Variants in NRG1 observed in about 807,000 individuals in gnomAD.
NRG1 encodes pro-neuregulin-1, membrane-bound isoform.
Under a neutral mutation model 63.8 loss-of-function variants are expected in NRG1, and 18 were observed. The observed-to-expected ratio is 0.28, with a 90% confidence interval of 0.19 to 0.42. NRG1 has a LOEUF of 0.42. Among genes scored for constraint, NRG1 ranks in the 10% least tolerant of loss-of-function variants. NRG1 has a pLI of 1.00. For synonymous variants in NRG1, 302 were observed against 301.3 expected, an observed-to-expected ratio of 1.00 and a Z score of -0.02; for missense variants, 762 against 814.7, an observed-to-expected ratio of 0.94 and a Z score of 0.79.
At chr8:32,385,943 C>T (rs1193808874) in intron 1 of NRG1, among the ~76,000 whole-genome samples, 1 of 152,150 alleles carries the variant, frequency 6.6e-6, no homozygotes, top group African/African-American at 2.4e-5. Context: ...AATAATAAAA[C>T]GTCATTCATT....
intron 1 of NRG1, among the ~76,000 whole-genome samples, chr8:32,235,566 G>A (rs1348192853): frequency 1.3e-5 from 2 of 152,060 alleles, no homozygotes; most frequent in Non-Finnish European, 2.9e-5. Flanking sequence ...GGTAAGTCTA[G>A]GATGAGACCA....
At chr8:31,853,928 G>C (rs374939816) in intron 1 of NRG1, among the ~76,000 whole-genome samples, 1 of 151,234 alleles carries the variant, frequency 6.6e-6, no homozygotes, top group Non-Finnish European at 1.5e-5. Context: ...TGATTTGCGT[G>C]TATTGAACCA....
At chr8:31,967,193 T>C (rs575027861) in intron 1 of NRG1, among the ~76,000 whole-genome samples, 50 of 152,244 alleles carry the variant, frequency 3.3e-4, no homozygotes, top group Non-Finnish European at 5.6e-4. Flanking sequence ...ATGTAACTAG[T>C]GGGCAAATAG....
chr8:31,649,743 C>A (rs990536681), intron 1 of NRG1, among the ~76,000 whole-genome samples: 1 of 152,130 alleles, frequency 6.6e-6, no homozygotes, highest in Non-Finnish European at 1.5e-5. Flanking sequence ...AATGGACTTA[C>A]AGAAAACAGT....
At chr8:32,316,692 T>C (rs1251328799) in intron 1 of NRG1, among the ~76,000 whole-genome samples, 1 of 152,124 alleles carries the variant, frequency 6.6e-6, no homozygotes, top group African/African-American at 2.4e-5. Flanking sequence ...ACCTTTTCTT[T>C]ACCTCACCTT....
At chr8:32,254,332 G>A (rs373193367) in intron 1 of NRG1, among the ~76,000 whole-genome samples, 26 of 152,034 alleles carry the variant, frequency 1.7e-4, no homozygotes, top group Non-Finnish European at 2.6e-4. Flanking sequence ...ATAAATTTCC[G>A]TCTACACACT....
At chr8:32,282,374 C>A (rs886109619) in intron 1 of NRG1, among the ~76,000 whole-genome samples, 1 of 152,218 alleles carries the variant, frequency 6.6e-6, no homozygotes, top group African/African-American at 2.4e-5. Context: ...AGTTGAATGG[C>A]TGACAGCCAA....
rs10706604 is a variant in NRG1, at chr8:32,388,655, G to GT, written c.38-207162dup. ...CCATTTGGTTACTGATTACAAGACG[G>GT]TTTTTTTTTTTCGTCTCAAAAAATG... On this transcript the variant is annotated intron_variant, in intron 1 of 10. Coordinates refer to the NRG1 transcript ENST00000519301. 3.4e-5 allele frequency among the ~76,000 whole-genome samples: 5 copies of GT among 149,080 alleles called. No individual in the cohort carries two copies. In the East Asian group the frequency reaches 5.9e-4, roughly 18 times the overall value.
intron 1 of NRG1, among the ~76,000 whole-genome samples, chr8:31,977,550 T>C (rs985856318): frequency 4.6e-5 from 7 of 152,150 alleles, no homozygotes; most frequent in Non-Finnish European, 8.8e-5. Flanking sequence ...ATCCTATGCA[T>C]CAATGTCACT....
intron 1 of NRG1, among the ~76,000 whole-genome samples, chr8:32,149,322 A>G (rs1837241176): frequency 6.6e-6 from 1 of 152,168 alleles, no homozygotes; most frequent in Non-Finnish European, 1.5e-5. Context: ...TTCCCATCTT[A>G]GTTGGCCTCT....
chr8:32,482,994 C>T (rs1288920679), intron 1 of NRG1, among the ~76,000 whole-genome samples: 1 of 152,230 alleles, frequency 6.6e-6, no homozygotes, highest in Admixed American at 6.5e-5. Context: ...GGGCGTTAGA[C>T]AGCATGAGGC....
chr8:32,315,275 C>A (rs748832589), intron 1 of NRG1, among the ~76,000 whole-genome samples: 1 of 152,120 alleles, frequency 6.6e-6, no homozygotes, highest in Non-Finnish European at 1.5e-5. Flanking sequence ...GTGTTGTTCC[C>A]CTCCCTGTGT....
intron 1 of NRG1, among the ~76,000 whole-genome samples, chr8:31,662,420 G>A (rs1806084715): frequency 6.6e-6 from 1 of 152,206 alleles, no homozygotes; most frequent in Non-Finnish European, 1.5e-5. Flanking sequence ...CTTAGCCTAT[G>A]TAGTTCCCAG....
chr8:31,760,453 G>A (rs562934225), intron 1 of NRG1, among the ~76,000 whole-genome samples: 23 of 152,238 alleles, frequency 1.5e-4, no homozygotes, highest in Middle Eastern at 6.8e-3. Flanking sequence ...TGACAAATGG[G>A]ATCTAATTAA....
chr8:32,456,640 C>A (rs747208687), intron 1 of NRG1, among the ~76,000 whole-genome samples: 19 of 152,288 alleles, frequency 1.2e-4, no homozygotes, highest in Non-Finnish European at 2.5e-4. Flanking sequence ...ACGGTATAGA[C>A]TACATATAAC....
chr8:32,491,945 G>T (rs530017427), intron 1 of NRG1, among the ~76,000 whole-genome samples: 1 of 152,176 alleles, frequency 6.6e-6, no homozygotes, highest in African/African-American at 2.4e-5. Flanking sequence ...TGGAAAACTA[G>T]ACTAAATTCT....
chr8:31,871,786 A>G (rs147206106), intron 1 of NRG1, among the ~76,000 whole-genome samples: 2 of 152,318 alleles, frequency 1.3e-5, no homozygotes, highest in African/African-American at 4.8e-5. Flanking sequence ...AAATTGGTTT[A>G]CCACATATTC....
intron 1 of NRG1, among the ~76,000 whole-genome samples, chr8:31,689,623 T>C (rs1265986164): frequency 2.0e-5 from 3 of 152,206 alleles, no homozygotes; most frequent in African/African-American, 7.2e-5. Flanking sequence ...TATTTATCTC[T>C]TTCCTAATTT....
At position 32,648,227 on chromosome 8, in the gene NRG1, G is replaced by A. The variant is rs755795145; in HGVS notation, c.502+31342G>A. ...CTGTTGTCTCCTTTGAACCATCAGCGGCACCGACACCGAAGAATCGTATTT... is the reference window on the plus strand; with the variant it reads ...CTGTTGTCTCCTTTGAACCATCAGCAGCACCGACACCGAAGAATCGTATTT... On this transcript the variant is annotated intron_variant, in intron 5 of 11. Transcript: ENST00000356819. 1.1e-5 allele frequency: 17 copies of A among 1,613,868 alleles called. No individual in the cohort carries two copies. The highest frequency in any genetic ancestry group is 1.6e-4 in the Middle Eastern group (1 of 6,084).
Sources: gnomAD v4.1 joint callset for allele counts (sites outside exome capture counted in the v4.1 genomes callset) on GRCh38, gnomAD v4.1.1 for gene constraint, MANE v1.5 for transcripts, NCBI Gene and HGNC (gene_info 2026-07-23, HGNC 2026-07-21) for gene names.